Variants in TIMM17A observed in about 807,000 individuals in gnomAD.
TIMM17A encodes the protein mitochondrial import inner membrane translocase subunit Tim17-A.
In TIMM17A, 15 loss-of-function variants were observed where a neutral mutation model predicts 26.5. The ratio of observed to expected loss-of-function variants is 0.57; its 90% CI spans 0.38 to 0.87. TIMM17A has a LOEUF of 0.87. Ranked by LOEUF, TIMM17A falls within the 40% of genes least tolerant of loss-of-function variation. The pLI is 0.00. For missense variants in TIMM17A, 201 were observed against 210.0 expected, an observed-to-expected ratio of 0.96 and a Z score of 0.27; for synonymous variants, 80 against 70.8, an observed-to-expected ratio of 1.13 and a Z score of -0.66.
At position 201,963,645 on chromosome 1, in the gene TIMM17A, T is replaced by C. The variant is rs1238504515; in HGVS notation, c.220T>C (p.Ser74Pro). Reference sequence around the variant, plus strand: ...CTTTGCAGTTTGGGGAGGGCTGTTTTCCATGATTGACTGTAGTATGGTTCA... The same window carrying C: ...CTTTGCAGTTTGGGGAGGGCTGTTTCCCATGATTGACTGTAGTATGGTTCA... ...GSFAVWGGLF[S>P]MIDCSMVQVR... The change falls in exon 4 of 6, where the codon TCC becomes CCC. Residue 74 changes from serine (S) to proline (P), a missense_variant. Physicochemically the swap from Ser to Pro is moderately conservative, Grantham distance 74. Coordinates refer to ENST00000367287, the MANE Select transcript of TIMM17A (RefSeq NM_006335.3). 2 of 1,606,814 alleles carry C rather than the reference T, an allele frequency of 1.2e-6. No homozygotes were observed. Among genetic ancestry groups the C allele is most frequent in the South Asian group, 2.2e-5 (2 of 89,120 alleles).
chr1:201,957,818 T>C, intron 3 of TIMM17A: 2 of 412,598 alleles, frequency 4.8e-6, no homozygotes, highest in Non-Finnish European at 8.6e-6. Context: ...TTTTTTTCCT[T>C]CTCCAGAAGA....
chr1:201,960,209 G>A (rs966669504), intron 3 of TIMM17A, among the ~76,000 whole-genome samples: 2 of 152,110 alleles, frequency 1.3e-5, no homozygotes, highest in Middle Eastern at 3.4e-3. Context: ...AACCATCCTG[G>A]CCAACATGGT....
rs776953704 is a variant in TIMM17A, at chr1:201,963,604, A to G, written c.191-12A>G. The stretch of plus-strand genomic sequence containing the variant: ...AATTAGTATTTGCTTGTTTCTTTTT[A>G]CAATAAAATAGGTAGCTTTGCAGTT... On this transcript the variant is annotated splice_polypyrimidine_tract_variant and intron_variant, in intron 3 of 5. Transcript: ENST00000367287. 2.5e-6 allele frequency: 4 copies of G among 1,592,346 alleles called. No homozygotes were observed. The South Asian group carries it at 3.5e-5, about 14-fold the overall frequency.
chr1:201,963,566 A>G lies in TIMM17A; in HGVS notation c.191-50A>G, dbSNP rs771428972. The G allele has an allele frequency of 9.6e-6, 15 of 1,565,422 alleles. 2 individuals are homozygous for G. The South Asian group carries it at 1.2e-4, about 12-fold the overall frequency. The stretch of plus-strand genomic sequence containing the variant: ...TTTTTGACTATAATATTTTAAATGG[A>G]AGATGAAATTTAAATTAGTATTTGC... On this transcript the variant is annotated intron_variant, in intron 3 of 5. Coordinates refer to ENST00000367287, the MANE Select transcript of TIMM17A (RefSeq NM_006335.3).
chr1:201,965,624 T>C, intron 5 of TIMM17A, 81 bp downstream of exon 5: 2 of 919,260 alleles, frequency 2.2e-6, no homozygotes, highest in Non-Finnish European at 3.6e-6. Context: ...CTTTGTGTGA[T>C]AAAATGTGTG....
chr1:201,957,265 T>TC lies in TIMM17A; in HGVS notation c.27-16_27-15insC. On this transcript the variant is annotated splice_polypyrimidine_tract_variant and intron_variant, in intron 1 of 5. Transcript: ENST00000367287. ...GTGAATGAGAAATATGGTCTTTTTT[T>TC]TCCCCCTGTTCTTAGCCCATGGCGA... 6.5e-7 allele frequency: 1 copy of TC among 1,528,296 alleles called. No homozygotes were observed. The highest frequency in any genetic ancestry group is 9.0e-7 in the Non-Finnish European group (1 of 1,109,538). The allele number at this position is 1,528,296 out of a possible 1,614,324, so 94.7% of individuals were successfully genotyped here. A position where few individuals can be genotyped will look rare whatever the true frequency, so the allele number is the denominator to read the frequency against.
At chr1:201,961,963 T>C (rs1157915696) in intron 3 of TIMM17A, among the ~76,000 whole-genome samples, 1 of 151,972 alleles carries the variant, frequency 6.6e-6, no homozygotes, top group Non-Finnish European at 1.5e-5. Context: ...TCTAAAACCT[T>C]GTTCTCGGGT....
rs182592350 is a variant in TIMM17A, at chr1:201,960,518, C to T, written c.190+2944C>T. On this transcript the variant is annotated intron_variant, in intron 3 of 5. Coordinates refer to ENST00000367287, the MANE Select transcript of TIMM17A (RefSeq NM_006335.3). Reference sequence around the variant, plus strand: ...AGAGTTTATTTTTTCTTACAAAGCACGGTGAAATAGAGGAAGAGTGAGTGG... The same window carrying T: ...AGAGTTTATTTTTTCTTACAAAGCATGGTGAAATAGAGGAAGAGTGAGTGG... 2.5e-3 allele frequency among the ~76,000 whole-genome samples: 387 copies of T among 152,088 alleles called. 1 individual carries two copies. Among genetic ancestry groups the T allele is most frequent in the Non-Finnish European group, 4.4e-3 (301 of 67,992 alleles).
At chr1:201,962,625 T>TAG (rs1451716377) in intron 3 of TIMM17A, 3 of 152,204 alleles carry the variant, frequency 2.0e-5, no homozygotes, top group African/African-American at 7.2e-5. Flanking sequence ...GCTGGGATTG[T>TAG]AGGCGTGAGC....
chr1:201,969,136 T>C (rs1682688498), intron 5 of TIMM17A, among the ~76,000 whole-genome samples: 1 of 152,248 alleles, frequency 6.6e-6, no homozygotes. Flanking sequence ...GAAACTCTTC[T>C]AATCTTGATA....
At chr1:201,963,781 A>G (rs1682575930) in intron 4 of TIMM17A, 37 bp downstream of exon 4, 3 of 1,556,464 alleles carry the variant, frequency 1.9e-6, no homozygotes, top group African/African-American at 1.4e-5. Flanking sequence ...TAGAAGCCAC[A>G]CTTTTAGGAA....
At chr1:201,961,862 T>C (rs1250218699) in intron 3 of TIMM17A, among the ~76,000 whole-genome samples, 1 of 152,022 alleles carries the variant, frequency 6.6e-6, no homozygotes, top group African/African-American at 2.4e-5. Flanking sequence ...GCTTGGGCTA[T>C]GGTACCCCAC....
At position 201,955,576 on chromosome 1, in the gene TIMM17A, A is replaced by C. The variant is rs776862999; in HGVS notation, c.26+24A>C. On this transcript the variant is annotated intron_variant, in intron 1 of 5. Transcript: ENST00000367287. ...TGGTGAGCTTCACCGCTGTCTTTGC[A>C]TTTCTCTTGCCCCCCTGCCCACTGC... 4 of 1,614,152 alleles carry C rather than the reference A, an allele frequency of 2.5e-6. No individual in the cohort carries two copies. In the South Asian group the frequency reaches 4.4e-5, roughly 18 times the overall value.
intron 5 of TIMM17A, among the ~76,000 whole-genome samples, chr1:201,966,877 A>ATG (rs1225176926): frequency 1.4e-5 from 2 of 147,542 alleles, no homozygotes; most frequent in East Asian, 1.9e-4. Flanking sequence ...TATATGTTAT[A>ATG]TATATGCTAT....
chr1:201,964,469 A>G (rs930070617), intron 4 of TIMM17A, among the ~76,000 whole-genome samples: 10 of 152,054 alleles, frequency 6.6e-5, no homozygotes, highest in African/African-American at 2.2e-4. Flanking sequence ...CTATTTCTGT[A>G]AAAGGCCAGA....
In TIMM17A at chr1:201,957,559, G is replaced by T. The variant is rs375906355; in HGVS notation, c.175G>T (p.Ala59Ser). ...RGSLTAIKTR[A>S]PQLGGSFAVW... is the part of the protein sequence containing the mutation. ...GAGTTTGACAGCTATTAAAACCAGG[G>T]CTCCACAGTTAGGAGGTAAGCAGAA... The change falls in exon 3 of 6, where the codon GCT (alanine) becomes TCT (serine). Residue 59 changes from alanine to serine, a missense_variant. Coordinates refer to ENST00000367287, the MANE Select transcript of TIMM17A (RefSeq NM_006335.3). The T allele has an allele frequency of 1.2e-5, 20 of 1,613,328 alleles. No individual in the cohort carries two copies. In the East Asian group the frequency reaches 4.2e-4, roughly 34 times the overall value.
intron 4 of TIMM17A, among the ~76,000 whole-genome samples, chr1:201,964,070 G>A (rs1353078820): frequency 6.6e-6 from 1 of 152,124 alleles, no homozygotes; most frequent in African/African-American, 2.4e-5. Context: ...GCAACAGAGT[G>A]AGACCCTGCT....
chr1:201,964,829 TA>T (rs1682599746), intron 4 of TIMM17A, among the ~76,000 whole-genome samples: 1 of 150,734 alleles, frequency 6.6e-6, no homozygotes. Flanking sequence ...TTTGTATTTT[TA>T]GTGGAGACGG....
chr1:201,957,557 G>C lies in TIMM17A; in HGVS notation c.173G>C (p.Arg58Thr). The C allele has an allele frequency of 6.2e-7, 1 of 1,613,376 alleles. No individual in the cohort carries two copies. Among genetic ancestry groups the C allele is most frequent in the Non-Finnish European group, 8.5e-7 (1 of 1,179,932 alleles). ...GGGAGTTTGACAGCTATTAAAACCA[G>C]GGCTCCACAGTTAGGAGGTAAGCAG... Reference protein sequence around the residue: ...LRGSLTAIKTRAPQLGGSFAV... With the variant: ...LRGSLTAIKTTAPQLGGSFAV... Residue 58 changes from arginine (R) to threonine (T), a missense_variant, in exon 3 of 6, where the codon AGG becomes ACG. Physicochemically the swap from Arg to Thr is moderately conservative, Grantham distance 71 (BLOSUM62 -1). Coordinates refer to ENST00000367287, the MANE Select transcript of TIMM17A (RefSeq NM_006335.3).
Sources: gnomAD v4.1 joint callset for allele counts (sites outside exome capture counted in the v4.1 genomes callset) on GRCh38, gnomAD v4.1.1 for gene constraint, MANE v1.5 for transcripts, NCBI Gene and HGNC (gene_info 2026-07-23, HGNC 2026-07-21) for gene names.